Variants in MAP2 observed in about 807,000 individuals in gnomAD.
MAP2 encodes the protein microtubule associated protein 2.
Under a neutral mutation model 137.6 loss-of-function variants are expected in MAP2, and 14 were observed. The ratio of observed to expected loss-of-function variants is 0.10; its 90% CI spans 0.07 to 0.16. The LOEUF is 0.16. MAP2 is among the 10% of genes least tolerant of loss of function. The pLI is 1.00. For synonymous variants in MAP2, 786 were observed against 782.3 expected (o/e 1.00, Z -0.08); for missense variants, 2,088 against 2,191.5 (o/e 0.95, Z 0.94).
intron 1 of MAP2, among the ~76,000 whole-genome samples, chr2:209,497,476 C>T (rs185258972): frequency 2.0e-5 from 3 of 152,138 alleles, no homozygotes; most frequent in Admixed American, 6.5e-5. Context: ...ATGTCTAGGG[C>T]ATTTTGTTAT....
chr2:209,720,515 T>C (rs2070023172), intron 13 of MAP2, among the ~76,000 whole-genome samples: 2 of 151,688 alleles, frequency 1.3e-5, no homozygotes, highest in Admixed American at 6.6e-5. Flanking sequence ...GGCGGGCGCC[T>C]GTAGTCCCAG....
At chr2:209,524,504 A>G (rs1369774986) in intron 2 of MAP2, among the ~76,000 whole-genome samples, 4 of 152,144 alleles carry the variant, frequency 2.6e-5, no homozygotes, top group Admixed American at 2.6e-4. Flanking sequence ...GAGATTAAAC[A>G]TTAAGATAAT....
chr2:209,688,133 T>C (rs185281719), intron 7 of MAP2, among the ~76,000 whole-genome samples: 1 of 152,246 alleles, frequency 6.6e-6, no homozygotes, highest in East Asian at 1.9e-4. Flanking sequence ...TAACAATTTA[T>C]ATAAAAGAAG....
At chr2:209,463,253 A>G (rs891742702) in intron 1 of MAP2, among the ~76,000 whole-genome samples, 2 of 152,206 alleles carry the variant, frequency 1.3e-5, no homozygotes, top group Non-Finnish European at 2.9e-5. Flanking sequence ...TCTTAATAAT[A>G]TGGTCTTTTA....
intron 3 of MAP2, among the ~76,000 whole-genome samples, chr2:209,594,586 G>A (rs890936734): frequency 6.6e-6 from 1 of 152,036 alleles, no homozygotes; most frequent in Non-Finnish European, 1.5e-5. Flanking sequence ...TTCTCCTAGG[G>A]TTACACTGTA....
chr2:209,654,275 A>G (rs1293003875), intron 5 of MAP2, among the ~76,000 whole-genome samples: 1 of 152,216 alleles, frequency 6.6e-6, no homozygotes, highest in Non-Finnish European at 1.5e-5. Flanking sequence ...TTAATATGTC[A>G]TATCTTTGCA....
chr2:209,681,958 T>C lies in MAP2; in HGVS notation c.454+1131T>C, dbSNP rs147513240. ...TAAATTGAAGCTTTTTTTTTCCAATTTACTGCCTGAAATAATAAACAAACT... is the reference window on the plus strand; with the variant it reads ...TAAATTGAAGCTTTTTTTTTCCAATCTACTGCCTGAAATAATAAACAAACT... On this transcript the variant is annotated intron_variant, in intron 7 of 15. Coordinates refer to ENST00000682079, the MANE Select transcript of MAP2 (RefSeq NM_001375505.1). Among the ~76,000 whole-genome samples the C allele has an allele frequency of 3.5e-4, 53 of 152,260 alleles. 1 individual carries two copies. The East Asian group carries it at 9.6e-3, about 28-fold the overall frequency.
chr2:209,626,187 G>A (rs1330793386), intron 4 of MAP2, among the ~76,000 whole-genome samples: 1 of 152,092 alleles, frequency 6.6e-6, no homozygotes, highest in Non-Finnish European at 1.5e-5. Context: ...AGGCCAAGGT[G>A]GGCAGATCAT....
At chr2:209,597,526 C>G (rs544400479) in intron 3 of MAP2, among the ~76,000 whole-genome samples, 74 of 152,280 alleles carry the variant, frequency 4.9e-4, no homozygotes, top group African/African-American at 1.7e-3. Flanking sequence ...ACCCTTGCTT[C>G]ACAGGCACCA....
rs192340846 is a variant in MAP2 at position 209,595,671 on chromosome 2, C to T, written c.-107+15571C>T. Among the ~76,000 whole-genome samples the T allele has an allele frequency of 3.5e-3, 534 of 152,274 alleles. 7 individuals carry two copies. Among genetic ancestry groups the T allele is most frequent in the South Asian group, 0.031 (151 of 4,826 alleles). The stretch of plus-strand genomic sequence containing the variant: ...GACACATGCACATGTATGTTTATTG[C>T]GGCCCTATTCACGATAGCAAAACCT... On this transcript the variant is annotated intron_variant, in intron 3 of 15. Coordinates refer to ENST00000682079, the MANE Select transcript of MAP2 (RefSeq NM_001375505.1).
At position 209,692,870 on chromosome 2, in the gene MAP2, C is replaced by T. The variant is rs763543692; in HGVS notation, c.700C>T (p.Leu234=). The change falls in exon 8 of 16, where the codon CTG becomes TTG. Residue 234 remains leucine, a synonymous_variant. Coordinates refer to ENST00000682079, the MANE Select transcript of MAP2 (RefSeq NM_001375505.1). ...GTTTGGGCACACTCTTGTTGCCAGCCTGGAAGACATGAAACAGAAGACAGA... is the reference window on the plus strand; with the variant it reads ...GTTTGGGCACACTCTTGTTGCCAGCTTGGAAGACATGAAACAGAAGACAGA... ...ALFGHTLVAS[L]EDMKQKTEPS... is the part of the protein sequence containing the mutation. The T allele has an allele frequency of 6.2e-7, 1 of 1,613,966 alleles. No homozygotes were observed. The highest frequency in any genetic ancestry group is 8.5e-7 in the Non-Finnish European group (1 of 1,179,958).
rs375467113 is a variant in MAP2, at chr2:209,640,685, C to CAGA, written c.-29-12453_-29-12451dup. On this transcript the variant is annotated intron_variant, in intron 4 of 15. Transcript: ENST00000682079. ...CATTTGTGGAGAAACAATTGTTCAT[C>CAGA]AGAAGATAAAGGGACTGAGCAGATC... 2.1e-3 allele frequency among the ~76,000 whole-genome samples: 326 copies of CAGA among 152,134 alleles called. 3 individuals are homozygous for CAGA. Among genetic ancestry groups the CAGA allele is most frequent in the African/African-American group, 6.9e-3 (288 of 41,514 alleles).
chr2:209,449,293 A>G (rs1465158049), intron 1 of MAP2, among the ~76,000 whole-genome samples: 1 of 152,204 alleles, frequency 6.6e-6, no homozygotes, highest in African/African-American at 2.4e-5. Context: ...AAATTTTTTC[A>G]GGCCCAACAG....
At chr2:209,710,962 C>G (rs2065237340) in intron 13 of MAP2, 1 of 152,240 alleles carries the variant, frequency 6.6e-6, no homozygotes, top group Non-Finnish European at 1.5e-5. Context: ...TTGACCTGAA[C>G]CTTGCTTATA....
At chr2:209,641,710 A>G (rs1295122951) in intron 4 of MAP2, among the ~76,000 whole-genome samples, 1 of 151,908 alleles carries the variant, frequency 6.6e-6, no homozygotes, top group African/African-American at 2.4e-5. Flanking sequence ...AAAAAAAAGA[A>G]AAAAAAATTA....
intron 7 of MAP2, 95 bp from the exon 8 acceptor site, chr2:209,692,530 C>T (rs2059206431): frequency 7.2e-7 from 1 of 1,386,070 alleles, no homozygotes; most frequent in African/African-American, 1.5e-5. Context: ...TGTTTTTATT[C>T]TACCATTCAT....
intron 3 of MAP2, among the ~76,000 whole-genome samples, chr2:209,614,208 C>G (rs2088148681): frequency 6.6e-6 from 1 of 152,098 alleles, no homozygotes; most frequent in African/African-American, 2.4e-5. Flanking sequence ...TTACTTAAAT[C>G]TAAGCCAATT....
intron 1 of MAP2, among the ~76,000 whole-genome samples, chr2:209,426,338 A>T (rs1692572216): frequency 6.6e-6 from 1 of 152,032 alleles, no homozygotes; most frequent in Admixed American, 6.5e-5. Flanking sequence ...AGTTATATTA[A>T]TTTTTATTTT....
intron 13 of MAP2, chr2:209,723,674 C>G: frequency 6.2e-7 from 1 of 1,613,666 alleles, no homozygotes; most frequent in South Asian, 1.1e-5. Context: ...AAACATTCGG[C>G]TGGGGGCGGA....
Sources: gnomAD v4.1 joint callset for allele counts (sites outside exome capture counted in the v4.1 genomes callset) on GRCh38, gnomAD v4.1.1 for gene constraint, MANE v1.5 for transcripts, NCBI Gene and HGNC (gene_info 2026-07-23, HGNC 2026-07-21) for gene names.